Variants in SNAP23 observed in about 807,000 individuals in gnomAD.
SNAP23 encodes synaptosomal-associated protein 23.
A neutral mutation model predicts 29.0 loss-of-function variants in SNAP23; 11 were observed. The ratio of observed to expected loss-of-function variants is 0.38; its 90% confidence interval spans 0.24 to 0.63. SNAP23 has a LOEUF of 0.63. Ranked by LOEUF, SNAP23 falls within the 20% of genes least tolerant of loss-of-function variation. SNAP23 has a pLI of 0.58. For missense variants in SNAP23, 220 were observed against 253.9 expected (o/e 0.87, Z 0.91); for synonymous variants, 60 against 82.9 (o/e 0.72, Z 1.50).
upstream of SNAP23, among the ~76,000 whole-genome samples, chr15:42,492,449 G>A (rs1170457735): frequency 6.6e-6 from 1 of 151,970 alleles, no homozygotes; most frequent in Non-Finnish European, 1.5e-5. Context: ...GGAGGACGAG[G>A]TGGGCAGATC....
At chr15:42,519,069 T>C (rs1595525391) in intron 5 of SNAP23, among the ~76,000 whole-genome samples, 1 of 151,382 alleles carries the variant, frequency 6.6e-6, no homozygotes, top group African/African-American at 2.4e-5. Flanking sequence ...TTTTTTTTTT[T>C]TTTGAGACGG....
intron 1 of SNAP23, among the ~76,000 whole-genome samples, chr15:42,497,500 C>T (rs959629409): frequency 6.6e-6 from 1 of 151,980 alleles, no homozygotes; most frequent in Non-Finnish European, 1.5e-5. Context: ...TGAGCCACCG[C>T]GCCTGGCTAA....
chr15:42,530,517 T>G (rs916017254), intron 7 of SNAP23, among the ~76,000 whole-genome samples: 1 of 152,172 alleles, frequency 6.6e-6, no homozygotes, highest in African/African-American at 2.4e-5. Flanking sequence ...CTCAACACTT[T>G]GAGAGGCGGA....
chr15:42,520,685 G>A (rs767058447), intron 5 of SNAP23, among the ~76,000 whole-genome samples: 6 of 151,808 alleles, frequency 4.0e-5, no homozygotes, highest in Non-Finnish European at 7.4e-5. Context: ...TAGTAGAGAC[G>A]GGGTTTCACC....
rs571767416 is a variant in SNAP23, at chr15:42,520,709, T to C, written c.266+5355T>C. On this transcript the variant is annotated intron_variant, in intron 5 of 7. Coordinates refer to ENST00000249647, the MANE Select transcript of SNAP23 (RefSeq NM_003825.4). Reference sequence around the variant, plus strand: ...CGGGGTTTCACCGTGTTAGCCAGGATGGTCTCGATCTCCTGACCTCGTGAT... The same window carrying C: ...CGGGGTTTCACCGTGTTAGCCAGGACGGTCTCGATCTCCTGACCTCGTGAT... Among the ~76,000 whole-genome samples, 6 of 152,214 alleles carry C rather than the reference T, an allele frequency of 3.9e-5. No individual in the cohort carries two copies. In the South Asian group the frequency reaches 1.2e-3, roughly 32 times the overall value.
chr15:42,508,834 C>G (rs984471081), intron 1 of SNAP23, among the ~76,000 whole-genome samples: 1 of 152,142 alleles, frequency 6.6e-6, no homozygotes, highest in Non-Finnish European at 1.5e-5. Flanking sequence ...TTTGGGCTTC[C>G]TTACCCCAGA....
At chr15:42,493,354 C>CTCTA (rs1555433134), upstream of SNAP23, among the ~76,000 whole-genome samples, 7 of 147,184 alleles carry the variant, frequency 4.8e-5, no homozygotes, top group Non-Finnish European at 7.5e-5. Context: ...CTCTCTCTCT[C>CTCTA]TATATATATA....
intron 1 of SNAP23, among the ~76,000 whole-genome samples, chr15:42,497,274 T>A (rs1363997822): frequency 6.7e-6 from 1 of 149,878 alleles, no homozygotes; most frequent in East Asian, 2.0e-4. Context: ...AGTGGCGCGA[T>A]CTTGGCTCAC....
intron 5 of SNAP23, chr15:42,521,869 C>T (rs2057452390): frequency 4.9e-6 from 2 of 405,346 alleles, no homozygotes; most frequent in South Asian, 1.9e-4. Flanking sequence ...ATTTATAATA[C>T]CATCCTTTGA....
At chr15:42,526,139 A>G (rs148813621) in intron 5 of SNAP23, among the ~76,000 whole-genome samples, 67 of 152,274 alleles carry the variant, frequency 4.4e-4, no homozygotes, top group Non-Finnish European at 7.2e-4. Flanking sequence ...CACTTCTGTT[A>G]CTTCTGTTAA....
chr15:42,497,248 G>A (rs1370029518), intron 1 of SNAP23, among the ~76,000 whole-genome samples: 16 of 130,576 alleles, frequency 1.2e-4, no homozygotes, highest in Non-Finnish European at 1.9e-4. Context: ...TTGCTCTGTC[G>A]CTCAGGCTGG....
intron 1 of SNAP23, among the ~76,000 whole-genome samples, chr15:42,502,088 C>T (rs1029053406): frequency 6.9e-6 from 1 of 144,708 alleles, no homozygotes; most frequent in Non-Finnish European, 1.5e-5. Context: ...AGTGCAGTGG[C>T]GCGATCTTGG....
chr15:42,497,498 C>G (rs1325504671), intron 1 of SNAP23, among the ~76,000 whole-genome samples: 2 of 152,108 alleles, frequency 1.3e-5, no homozygotes, highest in Admixed American at 1.3e-4. Context: ...CGTGAGCCAC[C>G]GCGCCTGGCT....
chr15:42,492,176 G>T (rs1258365611), upstream of SNAP23, among the ~76,000 whole-genome samples: 2 of 147,014 alleles, frequency 1.4e-5, no homozygotes, highest in Middle Eastern at 4.5e-3. Context: ...TTCCCTAAGT[G>T]CTGGTATTAC....
intron 1 of SNAP23, chr15:42,496,013 TA>T (rs1236835672): frequency 2.6e-5 from 4 of 152,214 alleles, no homozygotes; most frequent in Non-Finnish European, 4.4e-5. Flanking sequence ...TAGTTGACAT[TA>T]ATAGACTGCC....
intron 1 of SNAP23, among the ~76,000 whole-genome samples, chr15:42,504,389 C>CA (rs1221137695): frequency 1.3e-5 from 2 of 150,624 alleles, no homozygotes; most frequent in African/African-American, 2.4e-5. Flanking sequence ...GACTCTGTCT[C>CA]AAAAAAAAAG....
chr15:42,501,231 C>T (rs1428279290), intron 1 of SNAP23, among the ~76,000 whole-genome samples: 1 of 152,154 alleles, frequency 6.6e-6, no homozygotes, highest in Admixed American at 6.5e-5. Flanking sequence ...TGAAAGCCAT[C>T]CCCTGCCCTC....
At chr15:42,527,471 G>A (rs1005181954) in intron 5 of SNAP23, among the ~76,000 whole-genome samples, 5 of 151,766 alleles carry the variant, frequency 3.3e-5, no homozygotes, top group African/African-American at 1.2e-4. Context: ...CTGCAGCCTC[G>A]ACCTTCTGGG....
chr15:42,530,368 G>A (rs1385486198), intron 7 of SNAP23, among the ~76,000 whole-genome samples: 1 of 152,196 alleles, frequency 6.6e-6, no homozygotes, highest in African/African-American at 2.4e-5. Flanking sequence ...TCATGTGAGT[G>A]AAAGAAAGTT....
Sources: allele counts gnomAD v4.1 joint callset (sites outside exome capture counted in the v4.1 genomes callset), GRCh38; gene constraint gnomAD v4.1.1; transcripts MANE v1.5; gene names NCBI Gene and HGNC (gene_info 2026-07-23, HGNC 2026-07-21).